SLC14A2: variants seen among roughly 807,000 people sequenced by gnomAD.
SLC14A2 encodes the protein urea transporter 2.
In SLC14A2, 91 loss-of-function variants were observed where a neutral mutation model predicts 104.6. That is an observed-to-expected ratio of 0.87 (90% confidence interval 0.73 to 1.04). The LOEUF (loss-of-function observed/expected upper bound fraction) is 1.04. SLC14A2 is among the 50% of genes least tolerant of loss of function. The probability of loss-of-function intolerance (pLI) is 0.00; values close to 1 mark genes in which losing one functional copy is unlikely to be tolerated. For missense variants in SLC14A2, 1,189 were observed against 1,156.0 expected, an observed-to-expected ratio of 1.03 and a Z score of -0.41; for synonymous variants, 476 against 466.4, an observed-to-expected ratio of 1.02 and a Z score of -0.27.
At chr18:45,306,322 A>G (rs2144203371) in intron 1 of SLC14A2, among the ~76,000 whole-genome samples, 1 of 152,258 alleles carries the variant, frequency 6.6e-6, no homozygotes, top group African/African-American at 2.4e-5. Context: ...TTCACCTCAA[A>G]TCTATTTCCC....
At chr18:45,199,318 C>A in the SLC14A2 span, among the ~76,000 whole-genome samples, 1 of 152,060 alleles carries the variant, frequency 6.6e-6, no homozygotes, top group Non-Finnish European at 1.5e-5. Context: ...CTCTTTTAGA[C>A]CCTCTTCCCA....
intron 1 of SLC14A2, among the ~76,000 whole-genome samples, chr18:45,342,601 A>G (rs2085407204): frequency 6.6e-6 from 1 of 152,208 alleles, no homozygotes; most frequent in African/African-American, 2.4e-5. Context: ...AACCAGATGA[A>G]TGCAGGGAGC....
intron 1 of SLC14A2, among the ~76,000 whole-genome samples, chr18:45,305,465 G>T (rs937690392): frequency 6.6e-6 from 1 of 152,138 alleles, no homozygotes; most frequent in African/African-American, 2.4e-5. Context: ...GAAGGTTCTT[G>T]CTCCTTTTGG....
At chr18:45,350,636 G>T (rs113380390) in intron 1 of SLC14A2, among the ~76,000 whole-genome samples, 1 of 152,064 alleles carries the variant, frequency 6.6e-6, no homozygotes, top group South Asian at 2.1e-4. Flanking sequence ...CGGTAATGCC[G>T]CTGACGCACA....
At chr18:45,573,011 C>T (rs1174835803) in intron 2 of SLC14A2, among the ~76,000 whole-genome samples, 3 of 152,148 alleles carry the variant, frequency 2.0e-5, no homozygotes, top group African/African-American at 7.2e-5. Context: ...CTTTATCCCC[C>T]AAAACACCAA....
chr18:45,205,884 T>C, the SLC14A2 span, among the ~76,000 whole-genome samples: 5 of 152,172 alleles, frequency 3.3e-5, no homozygotes, highest in African/African-American at 4.8e-5. Context: ...TCCATGCTAG[T>C]GCAGGAGGAC....
At chr18:45,651,813 G>T (rs774700147) in intron 10 of SLC14A2, among the ~76,000 whole-genome samples, 1 of 152,206 alleles carries the variant, frequency 6.6e-6, no homozygotes, top group Non-Finnish European at 1.5e-5. Flanking sequence ...AAGTGCCTTT[G>T]CTACTTTTCT....
chr18:45,391,266 T>TA (rs1169117455), intron 1 of SLC14A2, among the ~76,000 whole-genome samples: 2 of 152,246 alleles, frequency 1.3e-5, no homozygotes, highest in Non-Finnish European at 2.9e-5. Flanking sequence ...CATCATTTTT[T>TA]ATGGCTGCAT....
At chr18:45,609,935 C>A (rs536163098) in intron 2 of SLC14A2, among the ~76,000 whole-genome samples, 26 of 152,304 alleles carry the variant, frequency 1.7e-4, no homozygotes, top group Non-Finnish European at 2.9e-4. Flanking sequence ...ATGCAGGATG[C>A]AAATGGCATT....
intron 2 of SLC14A2, among the ~76,000 whole-genome samples, chr18:45,608,556 A>G (rs1237394237): frequency 6.6e-6 from 1 of 152,202 alleles, no homozygotes; most frequent in Non-Finnish European, 1.5e-5. Context: ...TTTAGAAAAC[A>G]TATCTTCAGA....
chr18:45,566,948 T>C (rs1197308997), intron 2 of SLC14A2, among the ~76,000 whole-genome samples: 1 of 152,176 alleles, frequency 6.6e-6, no homozygotes, highest in Non-Finnish European at 1.5e-5. Flanking sequence ...TTCTGCCTTA[T>C]GTGGTCAATG....
intron 1 of SLC14A2, among the ~76,000 whole-genome samples, chr18:45,311,179 A>G (rs1341395987): frequency 6.6e-6 from 1 of 152,226 alleles, no homozygotes; most frequent in Non-Finnish European, 1.5e-5. Flanking sequence ...GAAAGAGTTC[A>G]TGGTGGGGAG....
At chr18:45,595,171 C>T (rs143029213) in intron 2 of SLC14A2, among the ~76,000 whole-genome samples, 324 of 152,256 alleles carry the variant, frequency 2.1e-3, no homozygotes, top group Non-Finnish European at 3.6e-3. Context: ...TAATAGTATG[C>T]TTTACACCCT....
intron 1 of SLC14A2, among the ~76,000 whole-genome samples, chr18:45,434,744 T>G (rs985558059): frequency 5.9e-5 from 9 of 152,172 alleles, no homozygotes; most frequent in African/African-American, 2.2e-4. Flanking sequence ...AAACTGCAAT[T>G]GGTTTCTAAA....
chr18:45,459,203 C>T (rs766661358), intron 1 of SLC14A2, among the ~76,000 whole-genome samples: 2 of 152,182 alleles, frequency 1.3e-5, no homozygotes, highest in Non-Finnish European at 2.9e-5. Context: ...CCAGGGATCC[C>T]CTTTCCAAGC....
the SLC14A2 span, among the ~76,000 whole-genome samples, chr18:45,180,374 G>A: frequency 6.6e-6 from 1 of 152,066 alleles, no homozygotes; most frequent in African/African-American, 2.4e-5. Flanking sequence ...AAAATTCTTG[G>A]TACCTAGAAA....
At position 45,567,024 on chromosome 18, in the gene SLC14A2, C is replaced by G. The variant is rs181469914; in HGVS notation, c.-34-57607C>G. ...ATAGACACAAACCACTATCACTGTGCCTCATTCTATAGCTGAGGACATGTG... is the reference window on the plus strand; with the variant it reads ...ATAGACACAAACCACTATCACTGTGGCTCATTCTATAGCTGAGGACATGTG... On this transcript the variant is annotated intron_variant, in intron 2 of 20. Coordinates refer to the SLC14A2 transcript ENST00000586448. Among the ~76,000 whole-genome samples the G allele has an allele frequency of 2.0e-4, 30 of 148,952 alleles. No individual in the cohort carries two copies. The East Asian group carries it at 6.1e-3, about 30-fold the overall frequency.
chr18:45,649,342 T>C (rs1056765127), intron 10 of SLC14A2, among the ~76,000 whole-genome samples: 1 of 152,162 alleles, frequency 6.6e-6, no homozygotes, highest in East Asian at 1.9e-4. Flanking sequence ...AGCGCCCCAG[T>C]ACCTAAAATG....
intron 1 of SLC14A2, among the ~76,000 whole-genome samples, chr18:45,433,404 T>A (rs974724250): frequency 6.6e-6 from 1 of 152,214 alleles, no homozygotes; most frequent in Non-Finnish European, 1.5e-5. Context: ...TCTTCTATGA[T>A]GGATATAAAA....
Sources: allele counts gnomAD v4.1 joint callset (sites outside exome capture counted in the v4.1 genomes callset), GRCh38; gene constraint gnomAD v4.1.1; transcripts MANE v1.5; gene names NCBI Gene and HGNC (gene_info 2026-07-23, HGNC 2026-07-21).